Variants in AFF4 observed in about 807,000 individuals in gnomAD.
AFF4 encodes the protein AF4/FMR2 family member 4.
AFF4 carries 13 observed loss-of-function variants against 124.8 expected under a neutral mutation model. That is an observed-to-expected ratio of 0.10 (90% CI 0.07 to 0.17). The LOEUF (loss-of-function observed/expected upper bound fraction) is 0.17. Ranked by LOEUF, AFF4 falls within the 10% of genes least tolerant of loss-of-function variation. AFF4 has a pLI of 1.00. For synonymous variants in AFF4, 477 were observed against 496.1 expected (o/e 0.96, Z 0.51); for missense variants, 1,092 against 1,403.8 (o/e 0.78, Z 3.55).
At chr5:132,931,129 A>G (rs1160980025) in intron 4 of AFF4, among the ~76,000 whole-genome samples, 1 of 147,990 alleles carries the variant, frequency 6.8e-6, no homozygotes. Context: ...AAAAATGTGT[A>G]AAGCAGCCGG....
intron 1 of AFF4, chr5:132,948,612 T>C (rs1393325599): frequency 6.2e-6 from 1 of 162,398 alleles, no homozygotes; most frequent in East Asian, 1.7e-4. Flanking sequence ...CCTGTTCAGT[T>C]TGCCACTCTC....
At position 132,896,979 on chromosome 5, in the gene AFF4, CAGG is replaced by C. The variant is rs768972805; in HGVS notation, c.1648_1650del (p.Pro550del). Reference sequence around the variant, plus strand: ...CTCTGTGTTGTGCTGTCACTCTGTGCAGGAGATTTCTGCCTCCCACGCCCACTT... The same window carrying C: ...CTCTGTGTTGTGCTGTCACTCTGTGCAGATTTCTGCCTCCCACGCCCACTT... On this transcript the variant is annotated inframe_deletion, in exon 11 of 21. Transcript: ENST00000265343. The C allele has an allele frequency of 3.7e-6, 6 of 1,614,200 alleles. No individual in the cohort carries two copies. The highest frequency in any genetic ancestry group is 2.2e-5 in the East Asian group (1 of 44,878).
Position 132,896,603 on chromosome 5 carries a change from A to C in AFF4, c.2027T>G (p.Val676Gly), listed in dbSNP as rs373239602. 27 of 1,613,940 alleles carry C rather than the reference A, an allele frequency of 1.7e-5. No individual in the cohort carries two copies. In the African/African-American group the frequency reaches 1.9e-4, roughly 11 times the overall value. Residue 676 changes from valine (V) to glycine (G), a missense_variant, in exon 11 of 21, where the codon GTT (valine) becomes GGT (glycine). By Grantham distance (109) the Val-to-Gly change is moderately radical (BLOSUM62 -3). Transcript: ENST00000265343. ...PKYPESNRTP[V>G]KPSSVEEEDS... ...TTCTTCCTCCACTGAGGAGGGTTTA[A>C]CAGGAGTCCTATTGCTCTCGGGGTA... is the stretch of plus-strand genomic sequence containing the variant.
intron 1 of AFF4, among the ~76,000 whole-genome samples, chr5:132,942,394 C>A (rs1232146857): frequency 6.6e-6 from 1 of 152,022 alleles, no homozygotes; most frequent in Non-Finnish European, 1.5e-5. Context: ...GGTGTGCCAC[C>A]CTCTCACTAC....
chr5:132,944,394 C>A (rs912178248), intron 1 of AFF4, among the ~76,000 whole-genome samples: 11 of 152,010 alleles, frequency 7.2e-5, no homozygotes, highest in African/African-American at 2.4e-4. Context: ...CACCTGTAAT[C>A]CCAGCACTTT....
At position 132,934,224 on chromosome 5, in the gene AFF4, C is replaced by T; in HGVS notation, c.841G>A (p.Gly281Ser). Residue 281 changes from glycine to serine, a missense_variant, in exon 3 of 21, where the codon GGC (glycine) becomes AGC (serine). Coordinates refer to ENST00000265343, the MANE Select transcript of AFF4 (RefSeq NM_014423.4). ...GGCTTCAGCTCAGTCATGCTGTTGCCATGGGATTGGCTGCTGTAGTGCTCA... is the reference window on the plus strand; with the variant it reads ...GGCTTCAGCTCAGTCATGCTGTTGCTATGGGATTGGCTGCTGTAGTGCTCA... ...SSEHYSSQSH[G>S]NSMTELKPSS... 2 of 1,614,136 alleles carry T rather than the reference C, an allele frequency of 1.2e-6. No homozygotes were observed. Among genetic ancestry groups the T allele is most frequent in the South Asian group, 2.2e-5 (2 of 91,084 alleles).
At chr5:132,938,800 A>C (rs1365742830) in intron 1 of AFF4, among the ~76,000 whole-genome samples, 1 of 151,578 alleles carries the variant, frequency 6.6e-6, no homozygotes, top group Non-Finnish European at 1.5e-5. Context: ...AAAATTAGCC[A>C]GGTGCAGTGG....
chr5:132,924,108 G>A, intron 5 of AFF4, among the ~76,000 whole-genome samples: 1 of 152,096 alleles, frequency 6.6e-6, no homozygotes, highest in East Asian at 1.9e-4. Context: ...ACAAAAATCA[G>A]CCAGGCGTGG....
At chr5:132,961,108 C>T (rs1220782396) in intron 1 of AFF4, among the ~76,000 whole-genome samples, 1 of 152,070 alleles carries the variant, frequency 6.6e-6, no homozygotes, top group African/African-American at 2.4e-5. Context: ...ACCTGCAATC[C>T]CAACTACTCA....
Position 132,887,968 on chromosome 5 carries a change from C to T in AFF4, c.2811G>A (p.Glu937=). Residue 937 remains glutamate (E), a synonymous_variant, in exon 16 of 21, where the codon GAG becomes GAA. Coordinates refer to ENST00000265343, the MANE Select transcript of AFF4 (RefSeq NM_014423.4). The part of the protein sequence containing the change: ...HNADALSDRF[E]KAVYYLDAVV... The stretch of plus-strand genomic sequence containing the variant: ...CAGCATCAAGATAGTATACAGCTTT[C>T]TCAAACCTATCAGACTGAAGAAAGG... 6.2e-7 allele frequency: 1 copy of T among 1,613,580 alleles called. No homozygotes were observed. The highest frequency in any genetic ancestry group is 8.5e-7 in the Non-Finnish European group (1 of 1,179,880).
chr5:132,934,777 T>G lies in AFF4; in HGVS notation c.288A>C (p.Glu96Asp). Residue 96 changes from glutamate (E) to aspartate (D), a missense_variant, in exon 3 of 21, where the codon GAA becomes GAC. This residue lies in a region of AFF4 where 188 missense variants were observed against 203.0 expected (regional missense o/e 0.93). Transcript: ENST00000265343. Reference protein sequence around the residue: ...ADEKSNPNFFEQRHGGSHQSS... With the variant: ...ADEKSNPNFFDQRHGGSHQSS... ...TCTGATGAGAGCCTCCATGTCTCTG[T>G]TCAAAGAAATTTGGGTTAGATTTTT... 1 of 1,614,162 alleles carries G rather than the reference T, an allele frequency of 6.2e-7. No homozygotes were observed. The highest frequency in any genetic ancestry group is 8.5e-7 in the Non-Finnish European group (1 of 1,180,038).
chr5:132,884,500 A>G (rs1344905224), intron 19 of AFF4, among the ~76,000 whole-genome samples: 1 of 152,178 alleles, frequency 6.6e-6, no homozygotes, highest in African/African-American at 2.4e-5. Context: ...TCGGCCTCTC[A>G]AAGTGCTGGG....
chr5:132,956,647 AAG>A (rs1229819998), intron 1 of AFF4, among the ~76,000 whole-genome samples: 9 of 151,390 alleles, frequency 5.9e-5, no homozygotes, highest in African/African-American at 2.2e-4. Flanking sequence ...AAAAAAAAAA[AAG>A]AGAGAGCGAG....
chr5:132,910,539 G>C (rs140901006), intron 5 of AFF4, among the ~76,000 whole-genome samples: 1 of 152,148 alleles, frequency 6.6e-6, no homozygotes, highest in Non-Finnish European at 1.5e-5. Context: ...TGCACATGGA[G>C]AGTAAGTACC....
chr5:132,894,481 G>A (rs753308380), intron 11 of AFF4, among the ~76,000 whole-genome samples: 18 of 152,262 alleles, frequency 1.2e-4, no homozygotes, highest in African/African-American at 3.4e-4. Flanking sequence ...ATCAGGGCAC[G>A]AGAATGCAAA....
rs778839933 is a variant in AFF4 at position 132,934,790 on chromosome 5, G to T, written c.275C>A (p.Pro92Gln). 5 of 1,614,080 alleles carry T rather than the reference G, an allele frequency of 3.1e-6. No homozygotes were observed. Among genetic ancestry groups the T allele is most frequent in the South Asian group, 1.1e-5 (1 of 91,078 alleles). Residue 92 changes from proline (P) to glutamine (Q), a missense_variant, in exon 3 of 21, where the codon CCA becomes CAA. Transcript: ENST00000265343. The stretch of plus-strand genomic sequence containing the variant: ...TCCATGTCTCTGTTCAAAGAAATTT[G>T]GGTTAGATTTTTCATCTGCTGATGG... ...VPPSADEKSN[P>Q]NFFEQRHGGS...
chr5:132,927,429 A>C (rs2150093415), intron 4 of AFF4: 1 of 420,720 alleles, frequency 2.4e-6, no homozygotes, highest in African/African-American at 2.1e-5. Context: ...TTACAATTCA[A>C]ATTATGAAAC....
rs113190868 is a variant in AFF4, at chr5:132,941,038, A to G, written c.-4-3845T>C. ...CGAAACTACATCTCAAAAAAAAAAA[A>G]GAAAGAAAAGAAAAAATTAATATAC... On this transcript the variant is annotated intron_variant, in intron 1 of 20. Transcript: ENST00000265343. 9.4e-3 allele frequency among the ~76,000 whole-genome samples: 1,385 copies of G among 147,902 alleles called. 17 individuals are homozygous for G. Among genetic ancestry groups the G allele is most frequent in the South Asian group, 0.025 (115 of 4,676 alleles).
intron 11 of AFF4, among the ~76,000 whole-genome samples, chr5:132,895,672 T>C (rs937624497): frequency 1.3e-5 from 2 of 152,240 alleles, no homozygotes; most frequent in African/African-American, 2.4e-5. Flanking sequence ...TCTCTATATA[T>C]GTAGTGATTC....
Sources: allele counts gnomAD v4.1 joint callset (sites outside exome capture counted in the v4.1 genomes callset), GRCh38; gene constraint gnomAD v4.1.1; regional missense constraint gnomAD v4.1.1; transcripts MANE v1.5; gene names NCBI Gene and HGNC (gene_info 2026-07-23, HGNC 2026-07-21).